The following ZDHHC14 variants were observed in gnomAD, a reference collection of about 807,000 sequenced individuals.
The protein encoded by ZDHHC14 is palmitoyltransferase ZDHHC14.
A neutral mutation model predicts 47.7 loss-of-function variants in ZDHHC14; 16 were observed. The ratio of observed to expected loss-of-function variants is 0.34; its 90% CI spans 0.23 to 0.51. The LOEUF (loss-of-function observed/expected upper bound fraction) is 0.51. Ranked by LOEUF, ZDHHC14 falls within the 20% of genes least tolerant of loss-of-function variation. ZDHHC14 has a pLI of 0.97. For synonymous variants in ZDHHC14, 293 were observed against 278.9 expected, an observed-to-expected ratio of 1.05 and a Z score of -0.50; for missense variants, 515 against 662.5, an observed-to-expected ratio of 0.78 and a Z score of 2.44.
At chr6:157,661,541 A>T (rs1778342657) in intron 8 of ZDHHC14, among the ~76,000 whole-genome samples, 1 of 152,206 alleles carries the variant, frequency 6.6e-6, no homozygotes, top group Non-Finnish European at 1.5e-5. Context: ...ATCCTGAAAG[A>T]TGATGGAAGG....
At chr6:157,666,140 AC>A (rs1170011310) in intron 8 of ZDHHC14, among the ~76,000 whole-genome samples, 1 of 152,146 alleles carries the variant, frequency 6.6e-6, no homozygotes, top group Non-Finnish European at 1.5e-5. Flanking sequence ...AAATAATTTA[AC>A]TTTTGTATAG....
intron 3 of ZDHHC14, among the ~76,000 whole-genome samples, chr6:157,624,340 T>G (rs1562514291): frequency 6.6e-6 from 1 of 152,174 alleles, no homozygotes; most frequent in East Asian, 1.9e-4. Flanking sequence ...TCTCCCTGCT[T>G]TTCCATGGCC....
At chr6:157,476,105 C>T (rs549312809) in intron 1 of ZDHHC14, among the ~76,000 whole-genome samples, 15 of 151,936 alleles carry the variant, frequency 9.9e-5, no homozygotes, top group African/African-American at 3.1e-4. Flanking sequence ...TAATAGAGAT[C>T]ACAGCAATAT....
At chr6:157,616,298 G>C (rs977233026) in intron 3 of ZDHHC14, among the ~76,000 whole-genome samples, 1 of 152,218 alleles carries the variant, frequency 6.6e-6, no homozygotes, top group Non-Finnish European at 1.5e-5. Flanking sequence ...GAGGGATGAG[G>C]GGGCAGAGGG....
At chr6:157,632,707 C>T (rs1463062282) in intron 4 of ZDHHC14, 127 bp from the exon 5 acceptor site, 13 of 936,634 alleles carry the variant, frequency 1.4e-5, no homozygotes, top group African/African-American at 1.3e-4. Flanking sequence ...AACTGGGTGT[C>T]GTAGCACTTA....
At chr6:157,568,476 A>T (rs1782987039) in intron 2 of ZDHHC14, among the ~76,000 whole-genome samples, 1 of 152,004 alleles carries the variant, frequency 6.6e-6, no homozygotes, top group South Asian at 2.1e-4. Context: ...ACCTTTCTTC[A>T]CAGGAATTCC....
rs374333299 is a variant in ZDHHC14, at chr6:157,660,909, A to G, written c.1068+7282A>G. On this transcript the variant is annotated intron_variant, in intron 8 of 8. Coordinates refer to ENST00000359775, the MANE Select transcript of ZDHHC14 (RefSeq NM_024630.3). ...AAGTAATACATGGTCTATTCAGAGA[A>G]ATGGGTATATGGAGGATTTGAACGG... is the stretch of plus-strand genomic sequence containing the variant. 4.7e-4 allele frequency among the ~76,000 whole-genome samples: 71 copies of G among 152,318 alleles called. No homozygotes were observed. In the Middle Eastern group the frequency reaches 0.01, roughly 22 times the overall value.
At chr6:157,403,156 A>G (rs1777678990) in intron 1 of ZDHHC14, among the ~76,000 whole-genome samples, 1 of 152,246 alleles carries the variant, frequency 6.6e-6, no homozygotes, top group Admixed American at 6.5e-5. Context: ...GCTCTCATTA[A>G]AGATGTTAGC....
At chr6:157,621,927 C>T (rs1785206248) in intron 3 of ZDHHC14, among the ~76,000 whole-genome samples, 1 of 152,096 alleles carries the variant, frequency 6.6e-6, no homozygotes, top group Non-Finnish European at 1.5e-5. Flanking sequence ...TGACTAAGCT[C>T]AGGATGGGGC....
At chr6:157,572,081 A>G (rs186099320) in intron 2 of ZDHHC14, among the ~76,000 whole-genome samples, 8 of 152,210 alleles carry the variant, frequency 5.3e-5, no homozygotes, top group South Asian at 2.1e-4. Flanking sequence ...GGTGATGCCA[A>G]TACTGCCAGT....
At chr6:157,601,262 C>G (rs78612978) in intron 3 of ZDHHC14, among the ~76,000 whole-genome samples, 3,764 of 152,274 alleles carry the variant, frequency 0.025, 66 homozygotes, top group East Asian at 0.039. Flanking sequence ...TAGCAAAACA[C>G]TGCCATGATT....
At chr6:157,411,991 T>A (rs972592869) in intron 1 of ZDHHC14, among the ~76,000 whole-genome samples, 2 of 151,718 alleles carry the variant, frequency 1.3e-5, no homozygotes, top group Non-Finnish European at 2.9e-5. Context: ...CAGGCTGGAG[T>A]GCAGTGGTGT....
chr6:157,580,163 G>A (rs1218281895), intron 2 of ZDHHC14, among the ~76,000 whole-genome samples: 1 of 151,912 alleles, frequency 6.6e-6, no homozygotes, highest in Non-Finnish European at 1.5e-5. Context: ...GTGGTTTTGG[G>A]AAATTTTTTA....
chr6:157,497,766 G>A (rs1165280041), intron 1 of ZDHHC14, among the ~76,000 whole-genome samples: 2 of 152,200 alleles, frequency 1.3e-5, no homozygotes, highest in Admixed American at 1.3e-4. Flanking sequence ...TTCACCAGAT[G>A]AGGAGCCTGT....
intron 1 of ZDHHC14, among the ~76,000 whole-genome samples, chr6:157,457,999 C>T (rs543131157): frequency 6.6e-6 from 1 of 152,374 alleles, no homozygotes; most frequent in South Asian, 2.1e-4. Flanking sequence ...TCTGCTTAGA[C>T]TGGCTTTGCA....
At chr6:157,418,729 C>G (rs1373704919) in intron 1 of ZDHHC14, among the ~76,000 whole-genome samples, 1 of 152,188 alleles carries the variant, frequency 6.6e-6, no homozygotes, top group Non-Finnish European at 1.5e-5. Flanking sequence ...TCAGCAAATA[C>G]CCAGTTCAGT....
intron 2 of ZDHHC14, among the ~76,000 whole-genome samples, chr6:157,542,951 G>T (rs770108249): frequency 6.6e-6 from 1 of 152,180 alleles, no homozygotes; most frequent in Non-Finnish European, 1.5e-5. Context: ...TATCCTGGAG[G>T]CAGGACTGCA....
intron 2 of ZDHHC14, among the ~76,000 whole-genome samples, chr6:157,557,602 G>A (rs1782529006): frequency 6.6e-6 from 1 of 152,176 alleles, no homozygotes; most frequent in South Asian, 2.1e-4. Context: ...GACTTTGGTT[G>A]TCCTTATTTG....
At chr6:157,576,009 G>A (rs1341119155) in intron 2 of ZDHHC14, among the ~76,000 whole-genome samples, 1 of 152,190 alleles carries the variant, frequency 6.6e-6, no homozygotes, top group African/African-American at 2.4e-5. Context: ...TCTTGCTTCT[G>A]ACTCGGCAGG....
Sources: gnomAD v4.1 joint callset for allele counts (sites outside exome capture counted in the v4.1 genomes callset) on GRCh38, gnomAD v4.1.1 for gene constraint, MANE v1.5 for transcripts, NCBI Gene and HGNC (gene_info 2026-07-23, HGNC 2026-07-21) for gene names.